The following VEZT variants were observed in gnomAD, a reference collection of about 807,000 sequenced individuals.
VEZT encodes the protein vezatin, adherens junctions transmembrane protein.
A neutral mutation model predicts 79.9 loss-of-function variants in VEZT; 39 were observed. The observed-to-expected ratio is 0.49, with a 90% confidence interval of 0.38 to 0.64. The LOEUF (loss-of-function observed/expected upper bound fraction) is 0.64, where lower values mean the gene tolerates loss of function less well. Among genes scored for constraint, VEZT ranks in the 30% least tolerant of loss-of-function variants. The pLI is 0.00. For missense variants in VEZT, 837 were observed against 893.1 expected, an observed-to-expected ratio of 0.94 and a Z score of 0.80; for synonymous variants, 325 against 327.6, an observed-to-expected ratio of 0.99 and a Z score of 0.09.
chr12:95,274,786 G>A lies in VEZT; in HGVS notation c.893G>A (p.Cys298Tyr), dbSNP rs1186590384. ...SESDNVTNYICVVPFKELGLG... is the reference protein window; with the variant it reads ...SESDNVTNYIYVVPFKELGLG... The stretch of plus-strand genomic sequence containing the variant: ...AGTGACAATGTAACCAACTACATCT[G>A]TGTGGTGCCTTTTAAAGAGCTGGGC... Residue 298 changes from cysteine to tyrosine, a missense_variant, in exon 7 of 12, where the codon TGT becomes TAT. Physicochemically the swap from Cys to Tyr is radical, Grantham distance 194. Transcript: ENST00000436874. 1 of 1,613,840 alleles carries A rather than the reference G, an allele frequency of 6.2e-7. No individual in the cohort carries two copies. The highest frequency in any genetic ancestry group is 8.5e-7 in the Non-Finnish European group (1 of 1,179,802).
intron 2 of VEZT, chr12:95,252,338 GA>G (rs945052973): frequency 1.2e-5 from 3 of 243,682 alleles, no homozygotes; most frequent in African/African-American, 2.2e-5. Flanking sequence ...AAACAGAATC[GA>G]AAAAAATATA....
chr12:95,235,329 G>A lies in VEZT; in HGVS notation c.37-16611G>A, dbSNP rs1156283445. On this transcript the variant is annotated intron_variant, in intron 1 of 11. Coordinates refer to ENST00000436874, the MANE Select transcript of VEZT (RefSeq NM_017599.4). ...CCTCCCGGACGGGGCGGCTGGCCGG[G>A]CAGAGGGGCTCCTCACTTCCCAGTA... 6.7e-4 allele frequency among the ~76,000 whole-genome samples: 94 copies of A among 140,386 alleles called. 3 individuals carry two copies. Among genetic ancestry groups the A allele is most frequent in the African/African-American group, 2.3e-3 (87 of 37,166 alleles). 92.1% of individuals were successfully genotyped at this position (140,386 alleles called of 152,430 possible).
In VEZT at chr12:95,270,024, A is replaced by G; in HGVS notation, c.711-27A>G. 3 of 1,602,056 alleles carry G rather than the reference A, an allele frequency of 1.9e-6. No homozygotes were observed. The East Asian group carries it at 6.7e-5, about 36-fold the overall frequency. On this transcript the variant is annotated intron_variant, in intron 5 of 11. Transcript: ENST00000436874. ...TAGGACACCTGTACAGTTGTATCAC[A>G]TTTTACTTTTCAAGTTTGCTTGACA...
At chr12:95,249,977 TAGTTA>T (rs2062272463) in intron 1 of VEZT, among the ~76,000 whole-genome samples, 1 of 151,732 alleles carries the variant, frequency 6.6e-6, no homozygotes, top group Non-Finnish European at 1.5e-5. Flanking sequence ...GTAAAATACT[TAGTTA>T]AGATTTTGCC....
intron 8 of VEZT, among the ~76,000 whole-genome samples, chr12:95,285,303 T>C (rs2070434615): frequency 6.8e-6 from 1 of 148,002 alleles, no homozygotes; most frequent in Non-Finnish European, 1.5e-5. Flanking sequence ...AATTAGCCAG[T>C]CATGGTGGTA....
chr12:95,258,153 G>C, intron 3 of VEZT: 1 of 425,968 alleles, frequency 2.3e-6, no homozygotes, highest in East Asian at 7.1e-5. Context: ...AAATTGTCAA[G>C]TTCTTTGTTC....
At chr12:95,268,219 G>C (rs1035716852) in intron 5 of VEZT, among the ~76,000 whole-genome samples, 6 of 152,078 alleles carry the variant, frequency 3.9e-5, no homozygotes, top group African/African-American at 1.2e-4. Flanking sequence ...TTTCCGGCCG[G>C]GCACGGTGGC....
intron 7 of VEZT, among the ~76,000 whole-genome samples, chr12:95,280,418 T>A (rs1021794666): frequency 6.8e-5 from 9 of 131,514 alleles, no homozygotes; most frequent in Non-Finnish European, 9.6e-5. Context: ...AGCCAGCCCC[T>A]TCTCCTCTCT....
rs192438997 is a variant in VEZT at position 95,275,781 on chromosome 12, G to A, written c.996+892G>A. On this transcript the variant is annotated intron_variant, in intron 7 of 11. Transcript: ENST00000436874. Reference sequence around the variant, plus strand: ...AAAAAAGAAACACAGGCTAGTCCCAGTGAGGTTGTATTTTACAACGAATTG... The same window carrying A: ...AAAAAAGAAACACAGGCTAGTCCCAATGAGGTTGTATTTTACAACGAATTG... 1.1e-4 allele frequency: 16 copies of A among 152,090 alleles called. No individual in the cohort carries two copies. In the East Asian group the frequency reaches 2.9e-3, roughly 28 times the overall value. The allele number at this position is 152,090 out of a possible 1,614,324, so 9.4% of individuals were successfully genotyped here.
intron 1 of VEZT, chr12:95,245,401 C>A: frequency 2.4e-6 from 1 of 422,550 alleles, no homozygotes; most frequent in South Asian, 1.8e-5. Flanking sequence ...TAGAAAGTAC[C>A]AGAGCACTCA....
intron 10 of VEZT, 135 bp downstream of exon 10, chr12:95,294,507 C>A: frequency 1.4e-6 from 1 of 734,334 alleles, no homozygotes; most frequent in Non-Finnish European, 2.2e-6. Flanking sequence ...TTGAATCTGC[C>A]TGCAGACTTT....
Position 95,252,027 on chromosome 12 carries a change from A to C in VEZT, c.124A>C (p.Thr42Pro), listed in dbSNP as rs763185588. The C allele has an allele frequency of 3.1e-6, 5 of 1,612,842 alleles. No individual in the cohort carries two copies. In the South Asian group the frequency reaches 5.5e-5, roughly 18 times the overall value. The part of the protein sequence containing the change: ...SSLSPKTEKC[T>P]TEGQQKPPTR... Reference sequence around the variant, plus strand: ...TTTGTCACCAAAAACAGAAAAATGCACAACAGAGGGACAACAAAAGCCTCC... The same window carrying C: ...TTTGTCACCAAAAACAGAAAAATGCCCAACAGAGGGACAACAAAAGCCTCC... The change falls in exon 2 of 12, where the codon ACA becomes CCA. Residue 42 changes from threonine (T) to proline (P), a missense_variant. Transcript: ENST00000436874.
At chr12:95,276,763 T>G (rs2067874673) in intron 7 of VEZT, among the ~76,000 whole-genome samples, 1 of 152,230 alleles carries the variant, frequency 6.6e-6, no homozygotes, top group African/African-American at 2.4e-5. Context: ...CCATATCTTT[T>G]ACATTTTCTA....
chr12:95,233,240 A>T (rs1566002816), intron 1 of VEZT, among the ~76,000 whole-genome samples: 2 of 151,650 alleles, frequency 1.3e-5, no homozygotes, highest in East Asian at 3.9e-4. Context: ...TTCCACACAG[A>T]TAACACATGA....
intron 7 of VEZT, among the ~76,000 whole-genome samples, chr12:95,276,259 C>CTT (rs35034660): frequency 0.011 from 823 of 75,176 alleles, no homozygotes; most frequent in East Asian, 0.016. Context: ...TAATTTTTTT[C>CTT]TTTTTTTTTT....
chr12:95,224,696 T>A (rs1195596775), intron 1 of VEZT, among the ~76,000 whole-genome samples: 10 of 152,226 alleles, frequency 6.6e-5, no homozygotes, highest in Non-Finnish European at 4.4e-5. Context: ...ACCACTTGAT[T>A]ACTCAGCCAG....
intron 11 of VEZT, 94 bp downstream of exon 11, chr12:95,296,352 G>A: frequency 8.1e-7 from 1 of 1,230,102 alleles, no homozygotes. Flanking sequence ...GAATTCTTGG[G>A]GTTTTATAAG....
At chr12:95,285,859 A>G (rs550068501) in intron 8 of VEZT, among the ~76,000 whole-genome samples, 70 of 152,280 alleles carry the variant, frequency 4.6e-4, no homozygotes, top group African/African-American at 1.7e-3. Flanking sequence ...TGCAAAAAAG[A>G]AAAACCCAAC....
chr12:95,218,996 A>G (rs1459946165), intron 1 of VEZT, among the ~76,000 whole-genome samples: 3 of 152,170 alleles, frequency 2.0e-5, no homozygotes, highest in Non-Finnish European at 4.4e-5. Context: ...TGTGGCTGCA[A>G]TGAAGAAGCA....
Sources: allele counts gnomAD v4.1 joint callset (sites outside exome capture counted in the v4.1 genomes callset), GRCh38; gene constraint gnomAD v4.1.1; transcripts MANE v1.5; gene names NCBI Gene and HGNC (gene_info 2026-07-23, HGNC 2026-07-21).